The following PRDM12 variants were observed in gnomAD, a reference collection of about 807,000 sequenced individuals.
PRDM12 encodes the protein PR domain zinc finger protein 12.
Under a neutral mutation model 29.6 loss-of-function variants are expected in PRDM12, and 17 were observed. The ratio of observed to expected loss-of-function variants is 0.57; its 90% CI spans 0.39 to 0.86. The LOEUF (loss-of-function observed/expected upper bound fraction) is 0.86. Among genes scored for constraint, PRDM12 ranks in the 40% least tolerant of loss-of-function variants. The pLI is 0.00. For synonymous variants in PRDM12, 231 were observed against 225.8 expected (o/e 1.02, Z -0.21); for missense variants, 422 against 510.8 (o/e 0.83, Z 1.68).
At chr9:130,680,832 G>T (rs1290276028) in intron 4 of PRDM12, among the ~76,000 whole-genome samples, 2 of 151,412 alleles carry the variant, frequency 1.3e-5, no homozygotes, top group Non-Finnish European at 2.9e-5. Context: ...TTTACAGAAG[G>T]CTGCTCCAAT....
chr9:130,680,751 G>C (rs1830892442), intron 4 of PRDM12, among the ~76,000 whole-genome samples: 2 of 149,040 alleles, frequency 1.3e-5, no homozygotes, highest in African/African-American at 5.0e-5. Context: ...GTACAGAGTA[G>C]GCATTCAGTA....
Position 130,681,239 on chromosome 9 carries a change from C to G in PRDM12, c.683-9C>G, listed in dbSNP as rs1308638211. The G allele has an allele frequency of 3.4e-6, 5 of 1,454,868 alleles. No individual in the cohort carries two copies. Among genetic ancestry groups the G allele is most frequent in the East Asian group, 2.6e-5 (1 of 39,058 alleles). The allele number at this position is 1,454,868 out of a possible 1,614,324, so 90.1% of individuals were successfully genotyped here. A position where few individuals can be genotyped will look rare whatever the true frequency, so the allele number is the denominator to read the frequency against. ...TCCCTTCCCCCGCCCCGCCCCGCCCCGCGGCCAGAGGACTTCCACCCGGCG... is the reference window on the plus strand; with the variant it reads ...TCCCTTCCCCCGCCCCGCCCCGCCCGGCGGCCAGAGGACTTCCACCCGGCG... On this transcript the variant is annotated splice_polypyrimidine_tract_variant and intron_variant, in intron 4 of 4. Coordinates refer to ENST00000253008, the MANE Select transcript of PRDM12 (RefSeq NM_021619.3). The surrounding 1 kb of genome is among the most constrained non-coding windows in gnomAD (Gnocchi z 8.1).
chr9:130,680,655 A>ATT lies in PRDM12; in HGVS notation c.683-592_683-591insTT, dbSNP rs1247286672. On this transcript the variant is annotated intron_variant, in intron 4 of 4. Transcript: ENST00000253008. ...AAAAAATATATATATATATATATAT[A>ATT]TATATTTTTTTTTTTTTTAACTGAT... is the stretch of plus-strand genomic sequence containing the variant. Among the ~76,000 whole-genome samples the ATT allele has an allele frequency of 3.2e-3, 275 of 85,526 alleles. 1 individual carries two copies. The highest frequency in any genetic ancestry group is 6.3e-3 in the Admixed American group (51 of 8,106). The allele number at this position is 85,526 out of a possible 152,430, so 56.1% of individuals were successfully genotyped here. A position where few individuals can be genotyped will look rare whatever the true frequency, so the allele number is the denominator to read the frequency against.
intron 3 of PRDM12, among the ~76,000 whole-genome samples, chr9:130,674,371 A>T (rs897070575): frequency 6.6e-5 from 10 of 151,542 alleles, no homozygotes; most frequent in Admixed American, 5.9e-4. Context: ...CTGGTCTTGA[A>T]CCCCTGGCCT....
At chr9:130,666,512 C>T in intron 1 of PRDM12, 96 bp from the exon 2 acceptor site, 1 of 1,477,076 alleles carries the variant, frequency 6.8e-7, no homozygotes, top group Non-Finnish European at 9.0e-7. Context: ...TTTGGCTGGT[C>T]TGGGCAGGAC....
chr9:130,678,479 C>T (rs2132604182), intron 3 of PRDM12, 50 bp from the exon 4 acceptor site: 1 of 1,400,640 alleles, frequency 7.1e-7, no homozygotes, highest in East Asian at 2.3e-5. Flanking sequence ...CCCCAACTCT[C>T]ACCTCCCAGC....
chr9:130,681,462 C>T lies in PRDM12; in HGVS notation c.897C>T (p.Tyr299=), dbSNP rs1160437754. ...GCCTGCACACGGGCGAGCGCCCCTA[C>T]AAGTGCCAGGTGTGCCAGAGCGCCT... ...HVRLHTGERP[Y]KCQVCQSAYS... is the part of the protein sequence containing the mutation. Residue 299 remains tyrosine (Y), a synonymous_variant, in exon 5 of 5, where the codon TAC becomes TAT. Transcript: ENST00000253008. The surrounding 1 kb of genome is among the most constrained non-coding windows in gnomAD (Gnocchi z 8.1). 4 of 1,576,444 alleles carry T rather than the reference C, an allele frequency of 2.5e-6. No individual in the cohort carries two copies. The highest frequency in any genetic ancestry group is 3.4e-6 in the Non-Finnish European group (4 of 1,165,896).
intron 4 of PRDM12, among the ~76,000 whole-genome samples, chr9:130,678,963 G>A (rs562762228): frequency 1.8e-4 from 27 of 152,316 alleles, no homozygotes; most frequent in African/African-American, 6.0e-4. Flanking sequence ...CCTGGATTGA[G>A]TTCTAGTTCT....
intron 3 of PRDM12, among the ~76,000 whole-genome samples, chr9:130,677,234 C>G (rs957039489): frequency 1.3e-5 from 2 of 152,168 alleles, no homozygotes; most frequent in African/African-American, 4.8e-5. Context: ...CTCCACTTTC[C>G]CTTCTTTTCA....
In PRDM12 at chr9:130,682,249, A is replaced by AAG. The variant is rs1830913915; in HGVS notation, c.*584_*585dup. The AAG allele has an allele frequency of 6.6e-6, 1 of 152,188 alleles. No homozygotes were observed. The highest frequency in any genetic ancestry group is 1.5e-5 in the Non-Finnish European group (1 of 68,098). 9.4% of individuals were successfully genotyped at this position (152,188 alleles called of 1,614,324 possible). A position where few individuals can be genotyped will look rare whatever the true frequency, so the allele number is the denominator to read the frequency against. ...GCTACTGGGGTCCATCGGCAGCGGG[A>AAG]AGAGACCCGGAGAGATGCATCTTCT... On this transcript the variant is annotated 3_prime_UTR_variant, in exon 5 of 5. Coordinates refer to ENST00000253008, the MANE Select transcript of PRDM12 (RefSeq NM_021619.3). The surrounding 1 kb of genome is among the most constrained non-coding windows in gnomAD (Gnocchi z 4.2).
At chr9:130,672,600 T>G (rs1298335538) in intron 3 of PRDM12, among the ~76,000 whole-genome samples, 1 of 152,232 alleles carries the variant, frequency 6.6e-6, no homozygotes, top group Non-Finnish European at 1.5e-5. Flanking sequence ...GGGAAGTTGC[T>G]GAGCTGCGAT....
In PRDM12 at chr9:130,666,814, G is replaced by C. The variant is rs764552613; in HGVS notation, c.414+16G>C. Reference sequence around the variant, plus strand: ...CATGTGGGAGGTACGCGCGGGCTGGGGCAGAGGGGCGCAAGGGCCGGCGAG... The same window carrying C: ...CATGTGGGAGGTACGCGCGGGCTGGCGCAGAGGGGCGCAAGGGCCGGCGAG... On this transcript the variant is annotated intron_variant, in intron 2 of 4. Transcript: ENST00000253008. 1 of 1,576,204 alleles carries C rather than the reference G, an allele frequency of 6.3e-7. No homozygotes were observed. The highest frequency in any genetic ancestry group is 8.6e-7 in the Non-Finnish European group (1 of 1,157,182).
chr9:130,669,922 T>TG (rs1830773176), intron 3 of PRDM12, among the ~76,000 whole-genome samples: 1 of 123,108 alleles, frequency 8.1e-6, no homozygotes, highest in South Asian at 2.9e-4. Context: ...AAGAGGAGGG[T>TG]GGGAAGAGGA....
chr9:130,670,858 A>ATG (rs1830782952), intron 3 of PRDM12, among the ~76,000 whole-genome samples: 1 of 152,134 alleles, frequency 6.6e-6, no homozygotes. Flanking sequence ...GCTGAGGCAG[A>ATG]TGTGGGGGCC....
At chr9:130,670,231 A>C (rs1830775755) in intron 3 of PRDM12, among the ~76,000 whole-genome samples, 1 of 151,840 alleles carries the variant, frequency 6.6e-6, no homozygotes, top group Admixed American at 6.6e-5. Flanking sequence ...GTTCTGGAGG[A>C]GCAGAGAGTG....
intron 4 of PRDM12, among the ~76,000 whole-genome samples, chr9:130,680,363 C>T (rs1830882460): frequency 6.6e-6 from 1 of 150,534 alleles, no homozygotes; most frequent in Non-Finnish European, 1.5e-5. Context: ...TCTTTTTGGC[C>T]GGGCGCTGTG....
At position 130,664,786 on chromosome 9, in the gene PRDM12, C is replaced by T; in HGVS notation, c.133C>T (p.Leu45Phe). The change falls in exon 1 of 5, where the codon CTC becomes TTC. Residue 45 changes from leucine to phenylalanine, a missense_variant. This residue lies in a region of PRDM12 where 300 missense variants were observed against 350.0 expected (regional missense o/e 0.86). Transcript: ENST00000253008. This position sits in a 1 kb window ranked among gnomAD's most constrained non-coding sequence, Gnocchi z 6.4. ...SFLYGRWRNVLGEQLFEDKSH... is the reference protein window; with the variant it reads ...SFLYGRWRNVFGEQLFEDKSH... Reference sequence around the variant, plus strand: ...CCTGTACGGCCGCTGGCGCAACGTGCTCGGGGAGCAGCTCTTCGAGGACAA... The same window carrying T: ...CCTGTACGGCCGCTGGCGCAACGTGTTCGGGGAGCAGCTCTTCGAGGACAA... 6.2e-7 allele frequency: 1 copy of T among 1,601,188 alleles called. No homozygotes were observed.
At position 130,668,131 on chromosome 9, in the gene PRDM12, C is replaced by A; in HGVS notation, c.415-27C>A. 1.9e-6 allele frequency: 3 copies of A among 1,612,982 alleles called. No individual in the cohort carries two copies. The highest frequency in any genetic ancestry group is 2.5e-6 in the Non-Finnish European group (3 of 1,179,206). ...GTACACATGGCATAGCCCTGCCTTA[C>A]CTGGTCCTTGATCCATCTGTGCCCA... On this transcript the variant is annotated intron_variant, in intron 2 of 4. Coordinates refer to ENST00000253008, the MANE Select transcript of PRDM12 (RefSeq NM_021619.3). This position sits in a 1 kb window ranked among gnomAD's most constrained non-coding sequence, Gnocchi z 4.0.
chr9:130,671,755 T>C (rs1010236955), intron 3 of PRDM12, among the ~76,000 whole-genome samples: 17 of 152,190 alleles, frequency 1.1e-4, no homozygotes, highest in African/African-American at 3.9e-4. Flanking sequence ...TGGGAATCAA[T>C]TGGCTGTTTA....
Sources: allele counts gnomAD v4.1 joint callset (sites outside exome capture counted in the v4.1 genomes callset), GRCh38; gene constraint gnomAD v4.1.1; regional missense constraint gnomAD v4.1.1; non-coding constraint Gnocchi (gnomAD v3.1); transcripts MANE v1.5; gene names NCBI Gene and HGNC (gene_info 2026-07-23, HGNC 2026-07-21).